Variants in RALGPS1 observed in about 807,000 individuals in gnomAD.
The protein encoded by RALGPS1 is Ral GEF with PH domain and SH3 binding motif 1.
Under a neutral mutation model 78.8 loss-of-function variants are expected in RALGPS1, and 19 were observed. The observed-to-expected ratio is 0.24, with a 90% confidence interval of 0.17 to 0.35. The LOEUF (loss-of-function observed/expected upper bound fraction) is 0.35, where lower values mean the gene tolerates loss of function less well. Among genes scored for constraint, RALGPS1 ranks in the 10% least tolerant of loss-of-function variants. The pLI is 1.00. For missense variants in RALGPS1, 454 were observed against 688.3 expected, an observed-to-expected ratio of 0.66 and a Z score of 3.81; for synonymous variants, 228 against 256.3, an observed-to-expected ratio of 0.89 and a Z score of 1.06.
chr9:127,174,852 G>A, intron 11 of RALGPS1, 70 bp downstream of exon 11: 3 of 1,432,212 alleles, frequency 2.1e-6, no homozygotes, highest in Non-Finnish European at 2.9e-6. Flanking sequence ...AGTTGGCCTT[G>A]ACCGGGGAGG....
chr9:127,145,763 G>T (rs1199714018), intron 8 of RALGPS1, among the ~76,000 whole-genome samples: 1 of 152,214 alleles, frequency 6.6e-6, no homozygotes, highest in African/African-American at 2.4e-5. Context: ...TATTCAATGA[G>T]ATTTGAGGCC....
In RALGPS1 at chr9:127,223,119, G is replaced by A. The variant is rs538119953; in HGVS notation, c.*4350G>A. The stretch of plus-strand genomic sequence containing the variant: ...TATTTCACTAATTAAATACTTTAAT[G>A]TACAAACATCTTTGTTTACTTTGAA... On this transcript the variant is annotated 3_prime_UTR_variant, in exon 19 of 19. Transcript: ENST00000259351. 6.5e-6 allele frequency: 1 copy of A among 152,756 alleles called. No individual in the cohort carries two copies. The highest frequency in any genetic ancestry group is 2.1e-4 in the South Asian group (1 of 4,830). 9.5% of individuals were successfully genotyped at this position (152,756 alleles called of 1,614,324 possible). A position where few individuals can be genotyped will look rare whatever the true frequency, so the allele number is the denominator to read the frequency against.
chr9:127,064,650 T>TG (rs1180358591), intron 7 of RALGPS1, among the ~76,000 whole-genome samples: 2 of 152,234 alleles, frequency 1.3e-5, no homozygotes, highest in Non-Finnish European at 2.9e-5. Flanking sequence ...AGACAGCATC[T>TG]GGTGACTTCT....
intron 11 of RALGPS1, among the ~76,000 whole-genome samples, chr9:127,175,009 A>G (rs2059776510): frequency 6.6e-6 from 1 of 152,138 alleles, no homozygotes; most frequent in African/African-American, 2.4e-5. Context: ...TGAGTGTTAG[A>G]GCCTGGGCCT....
At chr9:127,100,826 G>C (rs190802373) in intron 8 of RALGPS1, among the ~76,000 whole-genome samples, 32 of 152,314 alleles carry the variant, frequency 2.1e-4, no homozygotes, top group Admixed American at 9.8e-4. Flanking sequence ...AGCTTCATTG[G>C]TTTCTTCTTT....
At chr9:127,059,825 G>T (rs2049047593) in intron 7 of RALGPS1, among the ~76,000 whole-genome samples, 1 of 152,116 alleles carries the variant, frequency 6.6e-6, no homozygotes. Flanking sequence ...GTGAGTGCCA[G>T]AAGACTCTCT....
At chr9:127,054,868 C>T (rs142199726) in intron 7 of RALGPS1, among the ~76,000 whole-genome samples, 1,804 of 152,162 alleles carry the variant, frequency 0.012, 18 homozygotes, top group Non-Finnish European at 0.017. Flanking sequence ...GTCACAGCTA[C>T]GCAGGAGACT....
At chr9:127,194,172 C>G (rs1201353487) in intron 11 of RALGPS1, among the ~76,000 whole-genome samples, 1 of 152,206 alleles carries the variant, frequency 6.6e-6, no homozygotes, top group Non-Finnish European at 1.5e-5. Context: ...CGTACATTAC[C>G]TCATGGACTT....
At chr9:127,125,880 T>G (rs902975871) in intron 8 of RALGPS1, among the ~76,000 whole-genome samples, 1 of 152,232 alleles carries the variant, frequency 6.6e-6, no homozygotes, top group Non-Finnish European at 1.5e-5. Flanking sequence ...AGATTCTTCA[T>G]GTAAATGACA....
chr9:126,935,602 T>C (rs2036182763), intron 1 of RALGPS1, among the ~76,000 whole-genome samples: 2 of 151,964 alleles, frequency 1.3e-5, no homozygotes, highest in Non-Finnish European at 2.9e-5. Context: ...TTCTTTGATA[T>C]TGCATGATTA....
chr9:127,192,777 G>A (rs1359055894), intron 11 of RALGPS1, among the ~76,000 whole-genome samples: 1 of 152,238 alleles, frequency 6.6e-6, no homozygotes, highest in Admixed American at 6.5e-5. Context: ...CATGAGGGGT[G>A]TTAGAGGAAG....
At chr9:127,059,244 GC>G (rs2048999663) in intron 7 of RALGPS1, among the ~76,000 whole-genome samples, 1 of 152,126 alleles carries the variant, frequency 6.6e-6, no homozygotes, top group Admixed American at 6.5e-5. Flanking sequence ...GTGGTGATAG[GC>G]CTGAGCTGCT....
intron 4 of RALGPS1, among the ~76,000 whole-genome samples, chr9:126,991,294 G>A (rs2042261336): frequency 6.6e-6 from 1 of 152,202 alleles, no homozygotes; most frequent in Non-Finnish European, 1.5e-5. Context: ...TGCCTGAAGG[G>A]TGGGGAGAGG....
At chr9:127,174,317 A>G (rs554259944) in intron 10 of RALGPS1, among the ~76,000 whole-genome samples, 13 of 151,980 alleles carry the variant, frequency 8.6e-5, no homozygotes, top group African/African-American at 1.7e-4. Context: ...AAGAAAGAAA[A>G]AAAAAGAAAA....
chr9:126,965,162 C>T (rs1197270553), intron 2 of RALGPS1, among the ~76,000 whole-genome samples: 4 of 152,200 alleles, frequency 2.6e-5, no homozygotes, highest in East Asian at 3.8e-4. Flanking sequence ...GGATGCAGAG[C>T]GTCCTTAGCA....
At chr9:127,043,439 C>T (rs1412975325) in intron 5 of RALGPS1, among the ~76,000 whole-genome samples, 1 of 150,370 alleles carries the variant, frequency 6.7e-6, no homozygotes, top group Non-Finnish European at 1.5e-5. Context: ...AGACCTTAGA[C>T]CTTTCCTAAA....
At chr9:127,002,552 C>T (rs532277680) in intron 4 of RALGPS1, among the ~76,000 whole-genome samples, 1 of 147,546 alleles carries the variant, frequency 6.8e-6, no homozygotes, top group Non-Finnish European at 1.5e-5. Context: ...CCCACTAGCT[C>T]GTCATCTAGC....
chr9:127,045,111 A>G (rs1267338178), intron 5 of RALGPS1, among the ~76,000 whole-genome samples: 1 of 152,218 alleles, frequency 6.6e-6, no homozygotes, highest in Non-Finnish European at 1.5e-5. Flanking sequence ...CAGTGAAACT[A>G]TATGATATTG....
At chr9:127,115,492 A>G (rs1037267784) in intron 8 of RALGPS1, among the ~76,000 whole-genome samples, 1 of 152,222 alleles carries the variant, frequency 6.6e-6, no homozygotes, top group Non-Finnish European at 1.5e-5. Context: ...CCTAAGAGAA[A>G]GGTATTATAT....
Sources: allele counts gnomAD v4.1 joint callset (sites outside exome capture counted in the v4.1 genomes callset), GRCh38; gene constraint gnomAD v4.1.1; transcripts MANE v1.5; gene names NCBI Gene and HGNC (gene_info 2026-07-23, HGNC 2026-07-21).